Variants in USH2A observed in about 807,000 individuals in gnomAD.
USH2A encodes the protein usherin.
In USH2A, 443 loss-of-function variants were observed where a neutral mutation model predicts 538.9. The ratio of observed to expected loss-of-function variants is 0.82; its 90% CI spans 0.76 to 0.89. The LOEUF is 0.89. USH2A is among the 40% of genes least tolerant of loss of function. The pLI is 0.00. For synonymous variants in USH2A, 2,413 were observed against 2,273.5 expected (o/e 1.06, Z -1.75); for missense variants, 6,633 against 6,324.8 (o/e 1.05, Z -1.65).
chr1:216,283,658 A>C (rs2036827962), intron 11 of USH2A, among the ~76,000 whole-genome samples: 1 of 152,194 alleles, frequency 6.6e-6, no homozygotes, highest in Non-Finnish European at 1.5e-5. Context: ...AATCACAAAA[A>C]ATTGTGATTT....
intron 3 of USH2A, among the ~76,000 whole-genome samples, chr1:216,368,792 A>T (rs2038647719): frequency 6.6e-6 from 1 of 152,190 alleles, no homozygotes; most frequent in South Asian, 2.1e-4. Flanking sequence ...TAATTTGTTA[A>T]TATATGTGGT....
chr1:215,812,686 T>C (rs1356496197), intron 49 of USH2A, among the ~76,000 whole-genome samples: 1 of 151,422 alleles, frequency 6.6e-6, no homozygotes, highest in African/African-American at 2.4e-5. Flanking sequence ...AAAGAAGATA[T>C]CAGTATCAAA....
At chr1:216,034,839 A>G (rs541268459) in intron 32 of USH2A, among the ~76,000 whole-genome samples, 10 of 152,314 alleles carry the variant, frequency 6.6e-5, no homozygotes, top group African/African-American at 2.2e-4. Context: ...TAGCCTCTCA[A>G]ACTTCAAGAG....
At chr1:215,726,610 CA>C (rs1199184048) in intron 61 of USH2A, among the ~76,000 whole-genome samples, 10 of 152,214 alleles carry the variant, frequency 6.6e-5, no homozygotes, top group Middle Eastern at 3.4e-3. Context: ...GGATTTAAAG[CA>C]TAGAAACATA....
Position 215,877,767 on chromosome 1 carries a change from C to T in USH2A, c.8672G>A (p.Gly2891Asp). The change falls in exon 43 of 72, where the codon GGT becomes GAT. Residue 2891 changes from glycine to aspartate, a missense_variant. Physicochemically the swap from Gly to Asp is moderately conservative, Grantham distance 94. Transcript: ENST00000307340. ...SGTQWLYEDK[G>D]LSRFTTYEYM... ...GTTTTTGTAATCTCACCTGCTAAGA[C>T]CCTTATCTTCATAAAGCCACTGAGT... is the stretch of plus-strand genomic sequence containing the variant. The T allele has an allele frequency of 6.2e-7, 1 of 1,613,742 alleles. No homozygotes were observed. The highest frequency in any genetic ancestry group is 8.5e-7 in the Non-Finnish European group (1 of 1,179,680).
chr1:215,778,001 T>C (rs889990042), intron 55 of USH2A, among the ~76,000 whole-genome samples: 8 of 151,898 alleles, frequency 5.3e-5, no homozygotes, highest in Admixed American at 4.6e-4. Flanking sequence ...TAAAATAAGA[T>C]AAAAGAAATA....
chr1:215,808,728 T>C (rs1473123090), intron 49 of USH2A, among the ~76,000 whole-genome samples: 1 of 152,140 alleles, frequency 6.6e-6, no homozygotes, highest in Non-Finnish European at 1.5e-5. Context: ...GATATCTTCT[T>C]GGCACTTATC....
At chr1:215,862,262 T>TA (rs1362392348) in intron 44 of USH2A, among the ~76,000 whole-genome samples, 3 of 152,194 alleles carry the variant, frequency 2.0e-5, no homozygotes, top group Non-Finnish European at 4.4e-5. Flanking sequence ...ATCTCCTTTG[T>TA]AGGGACATGG....
intron 21 of USH2A, among the ~76,000 whole-genome samples, chr1:216,154,919 G>T (rs979223688): frequency 4.9e-4 from 48 of 97,568 alleles, no homozygotes; most frequent in African/African-American, 1.7e-3. Flanking sequence ...TGTACAAATT[G>T]TTTCATTTCC....
At chr1:216,139,561 T>G (rs377574966) in intron 21 of USH2A, among the ~76,000 whole-genome samples, 13 of 152,196 alleles carry the variant, frequency 8.5e-5, no homozygotes, top group African/African-American at 2.9e-4. Flanking sequence ...TTTTATCACC[T>G]GGAAAATAGA....
intron 4 of USH2A, among the ~76,000 whole-genome samples, chr1:216,353,287 A>G (rs1465058120): frequency 1.3e-5 from 2 of 152,126 alleles, no homozygotes; most frequent in Non-Finnish European, 2.9e-5. Context: ...TATGTATCTG[A>G]CAGAAAAAGA....
chr1:216,076,473 T>A (rs1163579156), intron 27 of USH2A, among the ~76,000 whole-genome samples: 1 of 152,100 alleles, frequency 6.6e-6, no homozygotes, highest in Non-Finnish European at 1.5e-5. Flanking sequence ...GGTTTAGGGG[T>A]AATTCAAAGA....
chr1:216,039,427 G>T (rs993189925), intron 32 of USH2A, among the ~76,000 whole-genome samples: 1 of 151,926 alleles, frequency 6.6e-6, no homozygotes, highest in Non-Finnish European at 1.5e-5. Context: ...TAATAGAGTG[G>T]CATGGTGACT....
Position 215,914,428 on chromosome 1 carries a change from T to G in USH2A, c.7301-13523A>C, listed in dbSNP as rs142155452. On this transcript the variant is annotated intron_variant, in intron 38 of 71. Coordinates refer to ENST00000307340, the MANE Select transcript of USH2A (RefSeq NM_206933.4). ...AGAGAATCACAGTAAATCAATTAACTTTTCTGATTTCTAAAAATAACTATG... is the reference window on the plus strand; with the variant it reads ...AGAGAATCACAGTAAATCAATTAACGTTTCTGATTTCTAAAAATAACTATG... 1.9e-3 allele frequency among the ~76,000 whole-genome samples: 296 copies of G among 152,240 alleles called. 2 individuals are homozygous for G. Among genetic ancestry groups the G allele is most frequent in the African/African-American group, 6.7e-3 (280 of 41,566 alleles).
chr1:216,028,226 A>G (rs1669014992), intron 32 of USH2A, among the ~76,000 whole-genome samples: 1 of 152,002 alleles, frequency 6.6e-6, no homozygotes. Context: ...TGTCTCTACT[A>G]AAAGTACAAA....
chr1:215,698,255 C>G (rs1313550539), intron 61 of USH2A, among the ~76,000 whole-genome samples: 1 of 152,114 alleles, frequency 6.6e-6, no homozygotes, highest in African/African-American at 2.4e-5. Flanking sequence ...GGTTCCAAGT[C>G]TTGGATATTG....
At chr1:215,675,766 A>T in intron 62 of USH2A, 150 bp from the exon 63 acceptor site, 3 of 1,466,206 alleles carry the variant, frequency 2.0e-6, no homozygotes. Flanking sequence ...GGGATATGTG[A>T]TTTTTTTCAG....
intron 62 of USH2A, among the ~76,000 whole-genome samples, chr1:215,676,734 T>C (rs557147391): frequency 2.6e-5 from 4 of 152,302 alleles, no homozygotes; most frequent in African/African-American, 9.6e-5. Context: ...CTGCCATATC[T>C]TCTGAAGGGA....
intron 10 of USH2A, among the ~76,000 whole-genome samples, chr1:216,290,957 C>T (rs896269751): frequency 4.6e-5 from 7 of 152,220 alleles, no homozygotes; most frequent in Middle Eastern, 3.4e-3. Context: ...TCTCTCTATC[C>T]GTACCATCTG....
Sources: gnomAD v4.1 joint callset for allele counts (sites outside exome capture counted in the v4.1 genomes callset) on GRCh38, gnomAD v4.1.1 for gene constraint, MANE v1.5 for transcripts, NCBI Gene and HGNC (gene_info 2026-07-23, HGNC 2026-07-21) for gene names.